The following LSAMP variants were observed in gnomAD, a reference collection of about 807,000 sequenced individuals.
LSAMP encodes limbic system-associated membrane protein.
A neutral mutation model predicts 38.6 loss-of-function variants in LSAMP; 7 were observed. The ratio of observed to expected loss-of-function variants is 0.18; its 90% CI spans 0.10 to 0.34. The LOEUF (loss-of-function observed/expected upper bound fraction) is 0.34, where lower values mean the gene tolerates loss of function less well. LSAMP is among the 10% of genes least tolerant of loss of function. The pLI is 1.00. For synonymous variants in LSAMP, 154 were observed against 166.8 expected, an observed-to-expected ratio of 0.92 and a Z score of 0.59; for missense variants, 313 against 420.0, an observed-to-expected ratio of 0.75 and a Z score of 2.23.
chr3:116,197,645 A>C (rs1710924435), intron 1 of LSAMP, among the ~76,000 whole-genome samples: 1 of 152,142 alleles, frequency 6.6e-6, no homozygotes, highest in East Asian at 1.9e-4. Context: ...CTTCTATTTC[A>C]GTATCAAGCC....
At chr3:115,916,199 G>A (rs903715970) in intron 3 of LSAMP, among the ~76,000 whole-genome samples, 1 of 152,094 alleles carries the variant, frequency 6.6e-6, no homozygotes, top group Non-Finnish European at 1.5e-5. Flanking sequence ...TCTCCCACCT[G>A]CCTTTTCTCT....
intron 1 of LSAMP, among the ~76,000 whole-genome samples, chr3:116,313,547 G>C (rs1426374198): frequency 6.6e-6 from 1 of 152,196 alleles, no homozygotes; most frequent in Non-Finnish European, 1.5e-5. Flanking sequence ...GTCCACAGGG[G>C]TTGGGCACAG....
At chr3:116,410,083 C>T (rs962483551) in intron 1 of LSAMP, among the ~76,000 whole-genome samples, 3 of 152,052 alleles carry the variant, frequency 2.0e-5, no homozygotes, top group Non-Finnish European at 4.4e-5. Context: ...CTTTCCCATC[C>T]TTTCTGAGTT....
rs11347560 is a variant in LSAMP, at chr3:116,305,933, C to CTT, written c.155+138942_155+138943dup. Reference sequence around the variant, plus strand: ...CTCTTGTAATGAAATTATTTCAGTGCTTTTTTTTTTTTTTTACTATATAAT... The same window carrying CTT: ...CTCTTGTAATGAAATTATTTCAGTGCTTTTTTTTTTTTTTTTTACTATATAAT... On this transcript the variant is annotated intron_variant, in intron 1 of 6. Transcript: ENST00000490035. Among the ~76,000 whole-genome samples, 344 of 143,984 alleles carry CTT rather than the reference C, an allele frequency of 2.4e-3. 3 individuals carry two copies. The highest frequency in any genetic ancestry group is 7.0e-3 in the Middle Eastern group (2 of 284). 94.5% of individuals were successfully genotyped at this position (143,984 alleles called of 152,430 possible).
At chr3:116,122,811 C>T (rs1240018446) in intron 1 of LSAMP, among the ~76,000 whole-genome samples, 2 of 152,184 alleles carry the variant, frequency 1.3e-5, no homozygotes, top group Admixed American at 6.5e-5. Flanking sequence ...TCCATCTTCA[C>T]TTTCACTCAC....
At chr3:116,035,873 C>G (rs1368471491) in intron 2 of LSAMP, among the ~76,000 whole-genome samples, 1 of 152,200 alleles carries the variant, frequency 6.6e-6, no homozygotes, top group Non-Finnish European at 1.5e-5. Flanking sequence ...ATTCTCCAAC[C>G]TCTTGGGGTT....
rs114366097 is a variant in LSAMP at position 116,160,119 on chromosome 3, G to T, written c.156-73563C>A. On this transcript the variant is annotated intron_variant, in intron 1 of 6. Coordinates refer to ENST00000490035, the MANE Select transcript of LSAMP (RefSeq NM_002338.5). ...AAATGTGATAATTGAAAAACTACCGGCTGGGCACGGTGGCTCACACCTGTA... is the reference window on the plus strand; with the variant it reads ...AAATGTGATAATTGAAAAACTACCGTCTGGGCACGGTGGCTCACACCTGTA... Among the ~76,000 whole-genome samples the T allele has an allele frequency of 2.7e-3, 415 of 152,258 alleles. 3 individuals are homozygous for T. The highest frequency in any genetic ancestry group is 9.6e-3 in the African/African-American group (399 of 41,546).
intron 2 of LSAMP, among the ~76,000 whole-genome samples, chr3:116,077,998 G>A (rs750614028): frequency 3.3e-5 from 5 of 152,142 alleles, no homozygotes; most frequent in South Asian, 4.1e-4. Context: ...AATTTGTCCC[G>A]TTACTAGTAG....
intron 1 of LSAMP, among the ~76,000 whole-genome samples, chr3:116,102,939 T>C (rs983609689): frequency 6.6e-5 from 10 of 152,198 alleles, no homozygotes; most frequent in African/African-American, 2.2e-4. Flanking sequence ...TTGCTCTTTA[T>C]CACACTCTAA....
intron 1 of LSAMP, among the ~76,000 whole-genome samples, chr3:116,341,294 T>G (rs537874217): frequency 9.2e-4 from 140 of 152,018 alleles, no homozygotes; most frequent in African/African-American, 1.6e-3. Context: ...TTTGTTGTTG[T>G]TGGTGGTGGT....
At chr3:115,982,249 A>G (rs1168337052) in intron 3 of LSAMP, among the ~76,000 whole-genome samples, 1 of 152,180 alleles carries the variant, frequency 6.6e-6, no homozygotes, top group Non-Finnish European at 1.5e-5. Flanking sequence ...ACTGTGTATG[A>G]AGGAGATATT....
intron 1 of LSAMP, among the ~76,000 whole-genome samples, chr3:116,120,457 C>T (rs148533920): frequency 1.6e-4 from 24 of 152,174 alleles, no homozygotes; most frequent in African/African-American, 4.8e-4. Context: ...ATTTTGGCAA[C>T]GAATGTGTGG....
intron 1 of LSAMP, among the ~76,000 whole-genome samples, chr3:116,107,443 G>T (rs1188552158): frequency 6.6e-6 from 1 of 152,148 alleles, no homozygotes; most frequent in African/African-American, 2.4e-5. Flanking sequence ...GTAAGGTCAA[G>T]TTGTTTGGAC....
chr3:116,321,617 A>C (rs1490558150), intron 1 of LSAMP, among the ~76,000 whole-genome samples: 2 of 152,148 alleles, frequency 1.3e-5, no homozygotes. Context: ...ATAGCTAGCA[A>C]GTGATGAAAC....
intron 1 of LSAMP, among the ~76,000 whole-genome samples, chr3:116,437,112 T>C (rs2049363532): frequency 6.6e-6 from 1 of 151,478 alleles, no homozygotes. Context: ...GCATTTGCAA[T>C]GACCTGGATG....
rs559723443 is a variant in LSAMP at position 116,064,671 on chromosome 3, A to G, written c.388+21653T>C. On this transcript the variant is annotated intron_variant, in intron 2 of 6. Transcript: ENST00000490035. ...CCTAATAAAAAATTGAGCACCTACTATATCAGGCAGTCTGGTAAAGACTTT... is the reference window on the plus strand; with the variant it reads ...CCTAATAAAAAATTGAGCACCTACTGTATCAGGCAGTCTGGTAAAGACTTT... 1.1e-4 allele frequency among the ~76,000 whole-genome samples: 16 copies of G among 152,328 alleles called. No homozygotes were observed. The South Asian group carries it at 3.3e-3, about 32-fold the overall frequency.
In LSAMP at chr3:116,019,482, A is replaced by T. The variant is rs776783006; in HGVS notation, c.514+33T>A. ...GGAGCATGAGCATATTTTAAACAGC[A>T]TGTGGCATATTGGAACCTGGAGTAT... On this transcript the variant is annotated intron_variant, in intron 3 of 6. Coordinates refer to ENST00000490035, the MANE Select transcript of LSAMP (RefSeq NM_002338.5). 3.1e-6 allele frequency: 5 copies of T among 1,606,816 alleles called. No homozygotes were observed. The East Asian group carries it at 1.1e-4, about 36-fold the overall frequency.
At chr3:115,846,106 CTA>C (rs1481430697) in intron 4 of LSAMP, among the ~76,000 whole-genome samples, 3 of 152,092 alleles carry the variant, frequency 2.0e-5, no homozygotes, top group Non-Finnish European at 4.4e-5. Context: ...CTAAGAAAGA[CTA>C]TTACAAATCA....
chr3:116,098,367 C>T (rs113576154), intron 1 of LSAMP, among the ~76,000 whole-genome samples: 6 of 152,026 alleles, frequency 3.9e-5, no homozygotes, highest in Admixed American at 6.5e-5. Context: ...GGCGTGGTGG[C>T]GCATGCCTGT....
Sources: gnomAD v4.1 joint callset for allele counts (sites outside exome capture counted in the v4.1 genomes callset) on GRCh38, gnomAD v4.1.1 for gene constraint, MANE v1.5 for transcripts, NCBI Gene and HGNC (gene_info 2026-07-23, HGNC 2026-07-21) for gene names.